Variants in AKAP19 observed in about 807,000 individuals in gnomAD.
AKAP19 encodes the protein A-kinase anchoring protein 19.
chr2:190,116,903 T>C, the AKAP19 span, among the ~76,000 whole-genome samples: 1 of 152,330 alleles, frequency 6.6e-6, no homozygotes, highest in South Asian at 2.1e-4. Flanking sequence ...AAAAACTAGC[T>C]TACTATGGAA....
At chr2:190,128,551 A>G in the AKAP19 span, among the ~76,000 whole-genome samples, 1 of 152,228 alleles carries the variant, frequency 6.6e-6, no homozygotes, top group Admixed American at 6.5e-5. Flanking sequence ...CATATGCCCC[A>G]GGGCAGCCCA....
At chr2:189,971,386 A>T in the AKAP19 span, among the ~76,000 whole-genome samples, 32 of 152,252 alleles carry the variant, frequency 2.1e-4, 1 homozygote, top group Admixed American at 1.4e-3. Flanking sequence ...TCTATCATTG[A>T]TGGACATTTG....
the AKAP19 span, among the ~76,000 whole-genome samples, chr2:189,936,871 TC>T: frequency 2.0e-5 from 3 of 152,162 alleles, no homozygotes; most frequent in Non-Finnish European, 4.4e-5. Context: ...ATGCCTGTAA[TC>T]CCAGCACTTT....
At chr2:190,108,337 G>A in the AKAP19 span, among the ~76,000 whole-genome samples, 1 of 152,116 alleles carries the variant, frequency 6.6e-6, no homozygotes, top group Non-Finnish European at 1.5e-5. Context: ...TGTATTTTTA[G>A]TAGAGATGGG....
the AKAP19 span, among the ~76,000 whole-genome samples, chr2:190,005,684 C>T: frequency 6.6e-6 from 1 of 152,160 alleles, no homozygotes; most frequent in Non-Finnish European, 1.5e-5. Flanking sequence ...TTTTCTTTTC[C>T]TCTAAGTTAG....
the AKAP19 span, among the ~76,000 whole-genome samples, chr2:190,093,609 G>C: frequency 6.6e-6 from 1 of 152,174 alleles, no homozygotes; most frequent in East Asian, 1.9e-4. Context: ...TTAAACTGTT[G>C]CCTCTAATAG....
chr2:190,105,676 G>T, the AKAP19 span, among the ~76,000 whole-genome samples: 2 of 152,168 alleles, frequency 1.3e-5, no homozygotes, highest in African/African-American at 2.4e-5. Context: ...TTTAGCAGCA[G>T]AGTGAGTCGA....
the AKAP19 span, among the ~76,000 whole-genome samples, chr2:189,976,251 C>A: frequency 6.6e-6 from 1 of 152,188 alleles, no homozygotes; most frequent in Non-Finnish European, 1.5e-5. Context: ...CACTCCAGAC[C>A]CTGTTTGCCT....
the AKAP19 span, among the ~76,000 whole-genome samples, chr2:189,886,725 T>C: frequency 2.0e-5 from 3 of 152,252 alleles, no homozygotes; most frequent in Non-Finnish European, 4.4e-5. Context: ...TAATTAGAAG[T>C]TAAGGCATTC....
chr2:190,004,451 C>T, the AKAP19 span, among the ~76,000 whole-genome samples: 2 of 146,636 alleles, frequency 1.4e-5, no homozygotes, highest in Non-Finnish European at 3.0e-5. Context: ...TTACAATCTG[C>T]TCCCTTTGAT....
chr2:190,131,378 C>T, the AKAP19 span, among the ~76,000 whole-genome samples: 1 of 152,054 alleles, frequency 6.6e-6, no homozygotes, highest in Non-Finnish European at 1.5e-5. Flanking sequence ...CATAAAAATC[C>T]CTGAACTATG....
chr2:190,172,384 A>G, the AKAP19 span, among the ~76,000 whole-genome samples: 1 of 152,226 alleles, frequency 6.6e-6, no homozygotes, highest in Admixed American at 6.5e-5. Flanking sequence ...TGCCAATGTA[A>G]TATGAAATAT....
the AKAP19 span, among the ~76,000 whole-genome samples, chr2:189,931,645 C>T: frequency 6.6e-6 from 1 of 151,926 alleles, no homozygotes; most frequent in South Asian, 2.1e-4. Flanking sequence ...AAACTCTTGT[C>T]CTCAAGTGAT....
chr2:189,911,157 A>G, the AKAP19 span, among the ~76,000 whole-genome samples: 1 of 152,094 alleles, frequency 6.6e-6, no homozygotes, highest in South Asian at 2.1e-4. Flanking sequence ...AATTTACCAT[A>G]TGGATAACCA....
the AKAP19 span, among the ~76,000 whole-genome samples, chr2:190,110,109 G>A: frequency 1.3e-5 from 2 of 152,164 alleles, no homozygotes; most frequent in Non-Finnish European, 2.9e-5. Flanking sequence ...ACTAGTCCTG[G>A]TGTAGATGAG....
chr2:189,900,016 C>G, the AKAP19 span, among the ~76,000 whole-genome samples: 3 of 151,986 alleles, frequency 2.0e-5, no homozygotes, highest in Admixed American at 2.0e-4. Context: ...CTGCATATTG[C>G]TTTTCTGGTT....
chr2:189,969,763 T>C, the AKAP19 span, among the ~76,000 whole-genome samples: 1 of 150,794 alleles, frequency 6.6e-6, no homozygotes, highest in Admixed American at 6.6e-5. Context: ...AAAATTTCAT[T>C]GAATTAATGT....
chr2:190,077,357 C>T, the AKAP19 span, among the ~76,000 whole-genome samples: 1 of 151,860 alleles, frequency 6.6e-6, no homozygotes, highest in Non-Finnish European at 1.5e-5. Flanking sequence ...TTACAGGTGC[C>T]TGCCACCACA....
the AKAP19 span, chr2:190,200,636 ACTT>A: frequency 5.8e-6 from 1 of 172,356 alleles, no homozygotes; most frequent in African/African-American, 2.4e-5. Flanking sequence ...AAGGATCTCT[ACTT>A]CTTGACACAA....
Sources: allele counts gnomAD v4.1 joint callset (sites outside exome capture counted in the v4.1 genomes callset), GRCh38; gene constraint gnomAD v4.1.1; transcripts MANE v1.5; gene names NCBI Gene and HGNC (gene_info 2026-07-23, HGNC 2026-07-21).